The following QRSL1 variants were observed in gnomAD, a reference collection of about 807,000 sequenced individuals.
QRSL1 encodes the protein glutamyl-tRNA(Gln) amidotransferase subunit A, mitochondrial.
QRSL1 carries 54 observed loss-of-function variants against 61.6 expected under a neutral mutation model. The ratio of observed to expected loss-of-function variants is 0.88; its 90% CI spans 0.70 to 1.10. The LOEUF (loss-of-function observed/expected upper bound fraction) is 1.10, where lower values mean the gene tolerates loss of function less well. Among genes scored for constraint, QRSL1 ranks in the 50% least tolerant of loss-of-function variants. The pLI is 0.00. For synonymous variants in QRSL1, 228 were observed against 225.7 expected (o/e 1.01, Z -0.09); for missense variants, 505 against 622.6 (o/e 0.81, Z 2.01).
intron 10 of QRSL1, among the ~76,000 whole-genome samples, chr6:106,665,211 C>T (rs1196287962): frequency 6.6e-6 from 1 of 152,120 alleles, no homozygotes; most frequent in Admixed American, 6.5e-5. Flanking sequence ...CTGCCCAAAC[C>T]TGGAATTAAA....
At position 106,652,260 on chromosome 6, in the gene QRSL1, TG is replaced by T; in HGVS notation, c.612del (p.Val206LeufsTer9). On this transcript the variant is annotated frameshift_variant, in exon 6 of 11. Coordinates refer to ENST00000369046, the MANE Select transcript of QRSL1 (RefSeq NM_018292.5). LOFTEE classifies it high-confidence loss of function. ...GSTRNPAAHC[G>X]LVGFKPSYGL... ...CGACCAGAAATCCTGCTGCCCACTG[TG>T]GGCTTGTTGGTTTCAAACCAAGCTA... The T allele has an allele frequency of 6.2e-7, 1 of 1,614,182 alleles. No homozygotes were observed. Among genetic ancestry groups the T allele is most frequent in the African/African-American group, 1.3e-5 (1 of 75,062 alleles).
At chr6:106,636,926 T>G (rs1776932214) in intron 1 of QRSL1, among the ~76,000 whole-genome samples, 1 of 151,264 alleles carries the variant, frequency 6.6e-6, no homozygotes, top group African/African-American at 2.4e-5. Context: ...AAAAAATTAC[T>G]ATAAACTTTG....
At chr6:106,634,830 A>G (rs899802703) in intron 1 of QRSL1, among the ~76,000 whole-genome samples, 1 of 151,720 alleles carries the variant, frequency 6.6e-6, no homozygotes, top group Non-Finnish European at 1.5e-5. Context: ...AGATAATGGG[A>G]GTGGATATTG....
chr6:106,630,471 T>C (rs544812194), intron 1 of QRSL1, among the ~76,000 whole-genome samples: 4 of 152,372 alleles, frequency 2.6e-5, no homozygotes, highest in Admixed American at 2.0e-4. Context: ...TCATTCTATC[T>C]TGCAGATATG....
chr6:106,658,514 G>A (rs574370873), intron 9 of QRSL1, among the ~76,000 whole-genome samples: 41 of 152,036 alleles, frequency 2.7e-4, no homozygotes, highest in African/African-American at 6.5e-4. Flanking sequence ...TAATCGCACC[G>A]CTGCACTTAA....
chr6:106,645,234 CTTGCT>C (rs1777089177), intron 4 of QRSL1, among the ~76,000 whole-genome samples: 1 of 152,104 alleles, frequency 6.6e-6, no homozygotes, highest in Admixed American at 6.5e-5. Flanking sequence ...TTAGAATAAG[CTTGCT>C]AATTTCTACA....
intron 1 of QRSL1, among the ~76,000 whole-genome samples, chr6:106,639,111 G>GTGTTTTT (rs1776967983): frequency 8.2e-5 from 5 of 60,750 alleles, no homozygotes; most frequent in African/African-American, 3.3e-4. Flanking sequence ...TTATTTGTGT[G>GTGTTTTT]TTTTGTTGTT....
In QRSL1 at chr6:106,665,941, T is replaced by G. The variant is rs750226450; in HGVS notation, c.1526T>G (p.Met509Arg). 6.2e-7 allele frequency: 1 copy of G among 1,613,994 alleles called. No individual in the cohort carries two copies. Residue 509 changes from methionine to arginine, a missense_variant, in exon 11 of 11, where the codon ATG becomes AGG. Coordinates refer to ENST00000369046, the MANE Select transcript of QRSL1 (RefSeq NM_018292.5). ...QFPVIQLQELMDDCSAVLENE... is the reference protein window; with the variant it reads ...QFPVIQLQELRDDCSAVLENE... ...CCTGTTATTCAACTTCAAGAACTCA[T>G]GGATGATTGTTCAGCAGTCCTTGAA...
In QRSL1 at chr6:106,640,379, A is replaced by T. The variant is rs776866147; in HGVS notation, c.55A>T (p.Thr19Ser). ...TGCGGCACTGAAACAAGGCCAAATT[A>T]CACCAACAGAGCTCTGTCAAAAATG... ...VSAALKQGQI[T>S]PTELCQKCLS... Residue 19 changes from threonine (T) to serine (S), a missense_variant, in exon 2 of 11, where the codon ACA becomes TCA. Physicochemically the swap from Thr to Ser is moderately conservative, Grantham distance 58. Transcript: ENST00000369046. 4.3e-6 allele frequency: 7 copies of T among 1,613,322 alleles called. No homozygotes were observed. The highest frequency in any genetic ancestry group is 5.9e-6 in the Non-Finnish European group (7 of 1,179,478).
chr6:106,644,675 C>T (rs1383489739), intron 4 of QRSL1, among the ~76,000 whole-genome samples: 4 of 151,980 alleles, frequency 2.6e-5, no homozygotes, highest in East Asian at 1.9e-4. Context: ...CACGCACCAC[C>T]GGGCCCAGCT....
intron 9 of QRSL1, among the ~76,000 whole-genome samples, chr6:106,656,733 C>T (rs1272148544): frequency 2.0e-5 from 3 of 152,132 alleles, no homozygotes; most frequent in Non-Finnish European, 2.9e-5. Flanking sequence ...CGCAGCTCAC[C>T]GCAGCCTTGA....
rs368730240 is a variant in QRSL1 at position 106,640,370 on chromosome 6, G to T, written c.46G>T (p.Gly16Cys). Reference protein sequence around the residue: ...LREVSAALKQGQITPTELCQK... With the variant: ...LREVSAALKQCQITPTELCQK... The stretch of plus-strand genomic sequence containing the variant: ...ATAGGTTTCTGCGGCACTGAAACAA[G>T]GCCAAATTACACCAACAGAGCTCTG... Residue 16 changes from glycine to cysteine, a missense_variant, in exon 2 of 11, where the codon GGC (glycine) becomes TGC (cysteine). By Grantham distance (159) the Gly-to-Cys change is radical (BLOSUM62 -3). Coordinates refer to ENST00000369046, the MANE Select transcript of QRSL1 (RefSeq NM_018292.5). The T allele has an allele frequency of 2.5e-6, 4 of 1,610,288 alleles. No homozygotes were observed. In the African/African-American group the frequency reaches 5.4e-5, roughly 22 times the overall value.
chr6:106,642,037 CT>C (rs1777028775), intron 3 of QRSL1, among the ~76,000 whole-genome samples: 1 of 152,088 alleles, frequency 6.6e-6, no homozygotes, highest in African/African-American at 2.4e-5. Flanking sequence ...AGTTTAGACT[CT>C]TGATTTTTTG....
chr6:106,655,799 CT>C (rs1309882660), intron 9 of QRSL1, 67 bp downstream of exon 9: 3 of 972,410 alleles, frequency 3.1e-6, no homozygotes, highest in Non-Finnish European at 4.9e-6. Context: ...CTTATCAGGT[CT>C]TATAAGTCAA....
intron 8 of QRSL1, 95 bp from the exon 9 acceptor site, chr6:106,655,520 A>C (rs1777254547): frequency 1.4e-6 from 1 of 708,422 alleles, no homozygotes. Flanking sequence ...ATCTCAAAAA[A>C]AAAAAAAAAA....
Position 106,629,629 on chromosome 6 carries a change from C to T in QRSL1, c.-53C>T. Reference sequence around the variant, plus strand: ...ATGTAACATCACTAGCGACCGGTGACCTCTTTTTCCCCCTTGCCTGGCTCC... The same window carrying T: ...ATGTAACATCACTAGCGACCGGTGATCTCTTTTTCCCCCTTGCCTGGCTCC... On this transcript the variant is annotated 5_prime_UTR_variant, in exon 1 of 11. Coordinates refer to ENST00000369046, the MANE Select transcript of QRSL1 (RefSeq NM_018292.5). 6.4e-7 allele frequency: 1 copy of T among 1,574,570 alleles called. No homozygotes were observed. Among genetic ancestry groups the T allele is most frequent in the African/African-American group, 1.4e-5 (1 of 73,952 alleles).
At chr6:106,629,733 C>A in intron 1 of QRSL1, 28 bp downstream of exon 1, 1 of 1,595,782 alleles carries the variant, frequency 6.3e-7, no homozygotes, top group Non-Finnish European at 8.5e-7. Context: ...GCTGAGGCCC[C>A]CGGGAGGGCG....
intron 4 of QRSL1, among the ~76,000 whole-genome samples, chr6:106,645,987 G>A (rs1357795326): frequency 6.6e-6 from 1 of 152,200 alleles, no homozygotes; most frequent in East Asian, 1.9e-4. Flanking sequence ...AATAGAAGTG[G>A]TGAGAGCAGA....
intron 1 of QRSL1, 151 bp downstream of exon 1, chr6:106,629,856 G>T (rs1776778914): frequency 2.1e-6 from 2 of 936,672 alleles, no homozygotes; most frequent in Non-Finnish European, 3.2e-6. Flanking sequence ...TCGATTCTTC[G>T]GGTGTACTCG....
Sources: gnomAD v4.1 joint callset for allele counts (sites outside exome capture counted in the v4.1 genomes callset) on GRCh38, gnomAD v4.1.1 for gene constraint, MANE v1.5 for transcripts, NCBI Gene and HGNC (gene_info 2026-07-23, HGNC 2026-07-21) for gene names.